KCNJ16: variants seen among roughly 807,000 people sequenced by gnomAD.
The protein encoded by KCNJ16 is inward rectifier potassium channel 16.
Under a neutral mutation model 18.5 loss-of-function variants are expected in KCNJ16, and 15 were observed. The ratio of observed to expected loss-of-function variants is 0.81; its 90% CI spans 0.54 to 1.25. The LOEUF (loss-of-function observed/expected upper bound fraction) is 1.25, where lower values mean the gene tolerates loss of function less well. Among genes scored for constraint, KCNJ16 ranks in the 50% most tolerant of loss-of-function variants. The pLI, the probability that KCNJ16 is intolerant of heterozygous loss-of-function variation, is 0.00. For synonymous variants in KCNJ16, 174 were observed against 186.5 expected (o/e 0.93, Z 0.55); for missense variants, 523 against 525.7 (o/e 0.99, Z 0.05).
At chr17:70,112,258 C>T (rs1428267286) in intron 2 of KCNJ16, among the ~76,000 whole-genome samples, 3 of 152,138 alleles carry the variant, frequency 2.0e-5, no homozygotes, top group African/African-American at 7.2e-5. Context: ...ACAAATATTC[C>T]TTCAGCCTAT....
intron 2 of KCNJ16, among the ~76,000 whole-genome samples, chr17:70,103,453 C>A (rs1376570108): frequency 6.6e-6 from 1 of 151,244 alleles, no homozygotes; most frequent in African/African-American, 2.4e-5. Context: ...AGGGGTGAGA[C>A]ACTATGCCCG....
At chr17:70,129,303 A>G (rs901174885) in intron 2 of KCNJ16, among the ~76,000 whole-genome samples, 12 of 152,282 alleles carry the variant, frequency 7.9e-5, no homozygotes, top group African/African-American at 2.9e-4. Flanking sequence ...CACAAATGCT[A>G]AATATAAAAT....
At chr17:70,106,475 T>A (rs874690) in intron 2 of KCNJ16, among the ~76,000 whole-genome samples, 1 of 152,072 alleles carries the variant, frequency 6.6e-6, no homozygotes, top group African/African-American at 2.4e-5. Context: ...GAGAAACTGA[T>A]AGAGAGAGTG....
intron 2 of KCNJ16, among the ~76,000 whole-genome samples, chr17:70,103,765 C>T (rs1290763284): frequency 2.0e-5 from 3 of 151,950 alleles, no homozygotes; most frequent in East Asian, 3.9e-4. Context: ...ATATTGTCTC[C>T]TTGACATGTT....
rs2074166731 is a variant in KCNJ16, at chr17:70,134,519, G to C, written c.*1175G>C. ...AGTAAGTGGATAATCTGAGTACAAT[G>C]AAATTTCTTAAGTTTTAGAACATGA... is the stretch of plus-strand genomic sequence containing the variant. On this transcript the variant is annotated 3_prime_UTR_variant, in exon 4 of 4. Coordinates refer to ENST00000392671, the MANE Select transcript of KCNJ16 (RefSeq NM_170741.4). 1 of 166,906 alleles carries C rather than the reference G, an allele frequency of 6.0e-6. No individual in the cohort carries two copies. Among genetic ancestry groups the C allele is most frequent in the Admixed American group, 6.5e-5 (1 of 15,272 alleles). 10.3% of individuals were successfully genotyped at this position (166,906 alleles called of 1,614,324 possible).
At chr17:70,102,268 C>T (rs2072675119) in intron 2 of KCNJ16, 1 of 135,356 alleles carries the variant, frequency 7.4e-6, no homozygotes, top group Non-Finnish European at 1.5e-5. Context: ...CTCTCTGTTG[C>T]CCAGGCTGGA....
At chr17:70,081,975 G>T (rs1439384996) in intron 1 of KCNJ16, among the ~76,000 whole-genome samples, 2 of 152,110 alleles carry the variant, frequency 1.3e-5, no homozygotes, top group African/African-American at 4.8e-5. Flanking sequence ...TAAACAGAAG[G>T]TTGTTGTCTT....
intron 1 of KCNJ16, among the ~76,000 whole-genome samples, chr17:70,077,977 G>A (rs970795453): frequency 5.3e-5 from 8 of 152,160 alleles, no homozygotes; most frequent in Non-Finnish European, 1.2e-4. Context: ...CAGACTGGGA[G>A]GAGAACTATT....
chr17:70,120,352 A>C (rs2073583334), intron 2 of KCNJ16, among the ~76,000 whole-genome samples: 1 of 152,106 alleles, frequency 6.6e-6, no homozygotes, highest in Non-Finnish European at 1.5e-5. Flanking sequence ...TCTGTCTGTC[A>C]TTCAGTTTCA....
At chr17:70,108,067 C>T (rs977119573) in intron 2 of KCNJ16, among the ~76,000 whole-genome samples, 3 of 152,212 alleles carry the variant, frequency 2.0e-5, no homozygotes, top group South Asian at 2.1e-4. Flanking sequence ...ATTCTAGCCC[C>T]GCCCTTTGTA....
At position 70,125,825 on chromosome 17, in the gene KCNJ16, G is replaced by A. The variant is rs568208003; in HGVS notation, c.-190-5054G>A. Among the ~76,000 whole-genome samples, 35 of 152,088 alleles carry A rather than the reference G, an allele frequency of 2.3e-4. 1 individual carries two copies. In the South Asian group the frequency reaches 6.9e-3, roughly 30 times the overall value. ...CAGGCACTTGTAGTCTCAGCTACTC[G>A]GGAGGCTGAGGCAGGAGAATTGCTT... On this transcript the variant is annotated intron_variant, in intron 2 of 3. Transcript: ENST00000392671.
intron 2 of KCNJ16, among the ~76,000 whole-genome samples, chr17:70,103,616 T>C (rs1308973942): frequency 1.3e-5 from 2 of 152,210 alleles, no homozygotes; most frequent in East Asian, 1.9e-4. Flanking sequence ...GCCTTCGTCA[T>C]TGGAATCCTT....
At chr17:70,102,998 G>A (rs2366485) in intron 2 of KCNJ16, among the ~76,000 whole-genome samples, 131,457 of 150,810 alleles carry the variant, frequency 0.87, 57,479 homozygotes, top group East Asian at 0.96. Flanking sequence ...GCAGTGGCAT[G>A]ACCAGGGCTC....
At chr17:70,086,178 T>C (rs1425937317) in intron 1 of KCNJ16, among the ~76,000 whole-genome samples, 1 of 152,196 alleles carries the variant, frequency 6.6e-6, no homozygotes, top group Admixed American at 6.5e-5. Context: ...GCTCTTGATA[T>C]GGAAATACTT....
At chr17:70,103,296 G>GTGTGTGTGTGTGTATATATATA (rs1408960241) in intron 2 of KCNJ16, among the ~76,000 whole-genome samples, 3 of 72,050 alleles carry the variant, frequency 4.2e-5, no homozygotes, top group African/African-American at 1.3e-4. Flanking sequence ...ATGTGTGTGT[G>GTGTGTGTGTGTGTATATATATA]TATATATATA....
At chr17:70,117,366 A>G (rs1478471687) in intron 2 of KCNJ16, among the ~76,000 whole-genome samples, 1 of 150,796 alleles carries the variant, frequency 6.6e-6, no homozygotes, top group African/African-American at 2.5e-5. Context: ...AAACCTCAGC[A>G]TCACACAATA....
intron 2 of KCNJ16, among the ~76,000 whole-genome samples, chr17:70,117,779 T>C (rs2144095193): frequency 6.6e-6 from 1 of 152,362 alleles, no homozygotes; most frequent in East Asian, 1.9e-4. Flanking sequence ...CTGTTAGGGA[T>C]ACAGTGGTAA....
intron 2 of KCNJ16, among the ~76,000 whole-genome samples, chr17:70,102,473 G>A (rs368854283): frequency 7.6e-4 from 115 of 151,886 alleles, no homozygotes; most frequent in African/African-American, 2.6e-3. Context: ...TGATCTGCCC[G>A]CCTCAGCCTC....
rs1313890170 is a variant in KCNJ16, at chr17:70,100,853, G to A, written c.-191+87G>A. ...CCATGAAAATGTGCTTTATCCCTACGCATTTTTCCAGAAGTCCAGCTTTCT... is the reference window on the plus strand; with the variant it reads ...CCATGAAAATGTGCTTTATCCCTACACATTTTTCCAGAAGTCCAGCTTTCT... On this transcript the variant is annotated intron_variant, in intron 2 of 3. Transcript: ENST00000392671. 3.9e-5 allele frequency: 6 copies of A among 152,192 alleles called. No individual in the cohort carries two copies. The South Asian group carries it at 8.3e-4, about 21-fold the overall frequency. 9.4% of individuals were successfully genotyped at this position (152,192 alleles called of 1,614,324 possible).
Sources: gnomAD v4.1 joint callset for allele counts (sites outside exome capture counted in the v4.1 genomes callset) on GRCh38, gnomAD v4.1.1 for gene constraint, MANE v1.5 for transcripts, NCBI Gene and HGNC (gene_info 2026-07-23, HGNC 2026-07-21) for gene names.